WDR77: variants seen among roughly 807,000 people sequenced by gnomAD.
WDR77 encodes methylosome protein WDR77.
A neutral mutation model predicts 44.0 loss-of-function variants in WDR77; 31 were observed. That is an observed-to-expected ratio of 0.70 (90% CI 0.53 to 0.95). WDR77 has a LOEUF of 0.95. Among genes scored for constraint, WDR77 ranks in the 40% least tolerant of loss-of-function variants. The pLI is 0.00. For missense variants in WDR77, 390 were observed against 423.9 expected (o/e 0.92, Z 0.70); for synonymous variants, 186 against 165.7 (o/e 1.12, Z -0.94).
At chr1:111,445,887 G>C (rs1384928333) in intron 4 of WDR77, among the ~76,000 whole-genome samples, 1 of 152,056 alleles carries the variant, frequency 6.6e-6, no homozygotes, top group Non-Finnish European at 1.5e-5. Context: ...TCGGGCCTCA[G>C]CCTCCCAAGT....
At chr1:111,446,977 A>G in intron 4 of WDR77, 118 bp downstream of exon 4, 1 of 1,034,046 alleles carries the variant, frequency 9.7e-7, no homozygotes, top group Non-Finnish European at 1.5e-6. Flanking sequence ...GAGCCTGACT[A>G]TTGTTTTACA....
chr1:111,447,503 A>G lies in WDR77; in HGVS notation c.375T>C (p.Asp125=). 1 of 1,614,168 alleles carries G rather than the reference A, an allele frequency of 6.2e-7. No individual in the cohort carries two copies. Among genetic ancestry groups the G allele is most frequent in the Non-Finnish European group, 8.5e-7 (1 of 1,179,988 alleles). The change falls in exon 3 of 10, where the codon GAT becomes GAC. Residue 125 remains aspartate (D), a synonymous_variant. Transcript: ENST00000235090. ...AGACACTGACTGTAGACACAATGTC[A>G]TCATGCTCATACTTGCAGAACTTGC... ...IVSKFCKYEH[D]DIVSTVSVLS...
At chr1:111,448,135 T>A (rs1214459137) in intron 2 of WDR77, among the ~76,000 whole-genome samples, 1 of 151,848 alleles carries the variant, frequency 6.6e-6, no homozygotes, top group Non-Finnish European at 1.5e-5. Flanking sequence ...TATCAAAAAC[T>A]GGGACTTTAA....
chr1:111,447,452 A>G lies in WDR77; in HGVS notation c.426T>C (p.Ser142=), dbSNP rs747322940. The G allele has an allele frequency of 4.3e-5, 69 of 1,614,096 alleles. No homozygotes were observed. Among genetic ancestry groups the G allele is most frequent in the Admixed American group, 6.7e-5 (4 of 60,008 alleles). The change falls in exon 3 of 10, where the codon AGT becomes AGC. Residue 142 remains serine, a synonymous_variant. Transcript: ENST00000235090. The part of the protein sequence containing the change: ...SVLSSGTQAV[S]GSKDICIKVW... ...GGACCCACCAGATGTCTTTGCTACC[A>G]CTGACAGCTTGTGTGCCAGAGCTCA...
chr1:111,449,207 C>T lies in WDR77; in HGVS notation c.-38G>A, dbSNP rs760197399. 2.6e-6 allele frequency: 4 copies of T among 1,540,664 alleles called. No individual in the cohort carries two copies. In the South Asian group the frequency reaches 3.5e-5, roughly 14 times the overall value. On this transcript the variant is annotated 5_prime_UTR_variant, in exon 1 of 10. Transcript: ENST00000235090. The stretch of plus-strand genomic sequence containing the variant: ...AACTCCAACCTAGACTCAAACTGGA[C>T]GCCGGCCGGAGACTCCGCTCCGGCA...
At chr1:111,444,527 A>G (rs1652946158) in intron 4 of WDR77, among the ~76,000 whole-genome samples, 1 of 152,100 alleles carries the variant, frequency 6.6e-6, no homozygotes, top group Non-Finnish European at 1.5e-5. Context: ...TAAGAGAGCC[A>G]ATTTCTCTAA....
At chr1:111,441,579 C>A (rs1427281421) in intron 9 of WDR77, 190 bp from the exon 10 acceptor site, 7 of 1,294,608 alleles carry the variant, frequency 5.4e-6, no homozygotes, top group Non-Finnish European at 6.8e-6. Context: ...CCAATCCAGT[C>A]TTCTATTTTC....
Position 111,449,074 on chromosome 1 carries a change from C to A in WDR77, c.96G>T (p.Glu32Asp), listed in dbSNP as rs1284304443. 22 of 1,600,048 alleles carry A rather than the reference C, an allele frequency of 1.4e-5. No homozygotes were observed. The highest frequency in any genetic ancestry group is 1.9e-5 in the Non-Finnish European group (22 of 1,174,990). The change falls in exon 1 of 10, where the codon GAG becomes GAT. Residue 32 changes from glutamate to aspartate, a missense_variant. Glu to Asp is a conservative substitution (Grantham distance 45, BLOSUM62 2). Coordinates refer to ENST00000235090, the MANE Select transcript of WDR77 (RefSeq NM_024102.4). The part of the protein sequence containing the change: ...NAPACMERQL[E>D]AARYRSDGAL... Reference sequence around the variant, plus strand: ...GCTCACCGGACCGGTACCGCGCAGCCTCCAACTGCCGTTCCATGCAGGCGG... The same window carrying A: ...GCTCACCGGACCGGTACCGCGCAGCATCCAACTGCCGTTCCATGCAGGCGG...
At chr1:111,447,052 AC>A in intron 4 of WDR77, 42 bp downstream of exon 4, 1 of 1,608,080 alleles carries the variant, frequency 6.2e-7, no homozygotes. Context: ...AAGTCCAAAA[AC>A]ACAACAGCTA....
intron 4 of WDR77, among the ~76,000 whole-genome samples, chr1:111,444,465 C>T (rs12041610): frequency 6.6e-6 from 1 of 151,854 alleles, no homozygotes; most frequent in Non-Finnish European, 1.5e-5. Context: ...AGTACACACA[C>T]CTCCAAGTAG....
Position 111,448,730 on chromosome 1 carries a change from G to A in WDR77, c.190C>T (p.Pro64Ser), listed in dbSNP as rs1484049925. The A allele has an allele frequency of 3.7e-6, 6 of 1,613,730 alleles. No homozygotes were observed. ...AAGCCTTCGTTGGGGGCGGCACAGG[G>A]GTCCTTAAAAAGCCAGAGGGAGCCG... ...WAGSLWLFKD[P>S]CAAPNEGFCS... Residue 64 changes from proline to serine, a missense_variant, in exon 2 of 10, where the codon CCC becomes TCC. Transcript: ENST00000235090.
chr1:111,448,616 C>T lies in WDR77; in HGVS notation c.301+3G>A. ...GGGGGTGGATAATGGGATAGTGACT[C>T]ACCTGAATCGGAGGCCACTAGAATA... is the stretch of plus-strand genomic sequence containing the variant. On this transcript the variant is annotated splice_donor_region_variant and intron_variant, in intron 2 of 9. Coordinates refer to ENST00000235090, the MANE Select transcript of WDR77 (RefSeq NM_024102.4). 2 of 1,614,130 alleles carry T rather than the reference C, an allele frequency of 1.2e-6. No individual in the cohort carries two copies. The highest frequency in any genetic ancestry group is 1.7e-6 in the Non-Finnish European group (2 of 1,180,030).
chr1:111,449,221 T>A lies in WDR77; in HGVS notation c.-52A>T, dbSNP rs757385818. The A allele has an allele frequency of 1.3e-6, 2 of 1,537,116 alleles. No individual in the cohort carries two copies. Among genetic ancestry groups the A allele is most frequent in the South Asian group, 1.2e-5 (1 of 84,360 alleles). On this transcript the variant is annotated 5_prime_UTR_variant, in exon 1 of 10. Coordinates refer to ENST00000235090, the MANE Select transcript of WDR77 (RefSeq NM_024102.4). ...CTCAAACTGGACGCCGGCCGGAGACTCCGCTCCGGCAGCAAACCCCACGTG... is the reference window on the plus strand; with the variant it reads ...CTCAAACTGGACGCCGGCCGGAGACACCGCTCCGGCAGCAAACCCCACGTG...
At chr1:111,447,363 A>T in intron 3 of WDR77, 72 bp downstream of exon 3, 2 of 1,589,512 alleles carry the variant, frequency 1.3e-6, no homozygotes, top group Non-Finnish European at 1.7e-6. Context: ...AATGTTACCT[A>T]ATGAGGTTAA....
At chr1:111,441,840 G>A (rs111427546) in intron 9 of WDR77, among the ~76,000 whole-genome samples, 185 bp downstream of exon 9, 1 of 152,146 alleles carries the variant, frequency 6.6e-6, no homozygotes, top group South Asian at 2.1e-4. Flanking sequence ...TTGTCCTTGG[G>A]GTTGTGAATG....
chr1:111,442,631 C>A, intron 8 of WDR77, 22 bp downstream of exon 8: 2 of 1,492,358 alleles, frequency 1.3e-6, no homozygotes, highest in Non-Finnish European at 9.1e-7. Context: ...CCCATCAGGC[C>A]CCTGATGACA....
chr1:111,442,640 C>A lies in WDR77; in HGVS notation c.800+13G>T. 6.5e-7 allele frequency: 1 copy of A among 1,536,482 alleles called. No individual in the cohort carries two copies. Among genetic ancestry groups the A allele is most frequent in the Non-Finnish European group, 8.8e-7 (1 of 1,135,588 alleles). The stretch of plus-strand genomic sequence containing the variant: ...TTTATACCCATCAGGCCCCTGATGA[C>A]AAAGAACAGTACCTGTGTGGGGAGA... On this transcript the variant is annotated intron_variant, in intron 8 of 9. Coordinates refer to ENST00000235090, the MANE Select transcript of WDR77 (RefSeq NM_024102.4).
In WDR77 at chr1:111,447,504, T is replaced by A; in HGVS notation, c.374A>T (p.Asp125Val). The change falls in exon 3 of 10, where the codon GAT (aspartate) becomes GTT (valine). Residue 125 changes from aspartate (D) to valine (V), a missense_variant. Transcript: ENST00000235090. ...GACACTGACTGTAGACACAATGTCA[T>A]CATGCTCATACTTGCAGAACTTGCT... Reference protein sequence around the residue: ...IVSKFCKYEHDDIVSTVSVLS... With the variant: ...IVSKFCKYEHVDIVSTVSVLS... The A allele has an allele frequency of 6.2e-7, 1 of 1,614,208 alleles. No individual in the cohort carries two copies. The highest frequency in any genetic ancestry group is 8.5e-7 in the Non-Finnish European group (1 of 1,180,032).
At chr1:111,447,812 G>A (rs938227816) in intron 2 of WDR77, among the ~76,000 whole-genome samples, 10 of 152,166 alleles carry the variant, frequency 6.6e-5, no homozygotes, top group African/African-American at 2.4e-4. Context: ...TCCAGAAAAA[G>A]ACAAAGATGG....
Sources: gnomAD v4.1 joint callset for allele counts (sites outside exome capture counted in the v4.1 genomes callset) on GRCh38, gnomAD v4.1.1 for gene constraint, MANE v1.5 for transcripts, NCBI Gene and HGNC (gene_info 2026-07-23, HGNC 2026-07-21) for gene names.